The following STAB1 variants were observed in gnomAD, a reference collection of about 807,000 sequenced individuals.
STAB1 encodes stabilin-1.
Under a neutral mutation model 332.4 loss-of-function variants are expected in STAB1, and 250 were observed. That is an observed-to-expected ratio of 0.75 (90% CI 0.68 to 0.84). The LOEUF (loss-of-function observed/expected upper bound fraction) is 0.84. STAB1 is among the 40% of genes least tolerant of loss of function. STAB1 has a pLI of 0.00. For synonymous variants in STAB1, 1,475 were observed against 1,390.4 expected (o/e 1.06, Z -1.35); for missense variants, 3,249 against 3,489.7 (o/e 0.93, Z 1.74).
At chr3:52,496,492 G>C (rs929153628) in intron 1 of STAB1, among the ~76,000 whole-genome samples, 1 of 152,210 alleles carries the variant, frequency 6.6e-6, no homozygotes, top group Non-Finnish European at 1.5e-5. Flanking sequence ...GCTTTCTCTT[G>C]GATGCCTGTG....
In STAB1 at chr3:52,521,011, C is replaced by T. The variant is rs1386819022; in HGVS notation, c.5908+6C>T. 1.3e-6 allele frequency: 2 copies of T among 1,531,822 alleles called. No individual in the cohort carries two copies. Among genetic ancestry groups the T allele is most frequent in the Admixed American group, 2.1e-5 (1 of 48,398 alleles). 94.9% of individuals were successfully genotyped at this position (1,531,822 alleles called of 1,614,324 possible). On this transcript the variant is annotated splice_donor_region_variant and intron_variant, in intron 55 of 68. Transcript: ENST00000321725. Reference sequence around the variant, plus strand: ...CTATGGCAGTGAGTGCCAAGGTGAGCATTGCAGACACTGTTGACTAGCTCC... The same window carrying T: ...CTATGGCAGTGAGTGCCAAGGTGAGTATTGCAGACACTGTTGACTAGCTCC...
chr3:52,497,187 A>G (rs1226098130), intron 1 of STAB1, among the ~76,000 whole-genome samples: 1 of 151,488 alleles, frequency 6.6e-6, no homozygotes, highest in Non-Finnish European at 1.5e-5. Context: ...TTTTAGTTTC[A>G]CCATGTTGAC....
At position 52,514,306 on chromosome 3, in the gene STAB1, G is replaced by A. The variant is rs934917497; in HGVS notation, c.3547-59G>A. ...CACGAAGGGACACAGTGGGTGTGGC[G>A]TGCTGTCCAGGGCACTTGGTTATCC... On this transcript the variant is annotated intron_variant, in intron 33 of 68. Transcript: ENST00000321725. 22 of 1,582,766 alleles carry A rather than the reference G, an allele frequency of 1.4e-5. 1 individual carries two copies. The East Asian group carries it at 1.6e-4, about 11-fold the overall frequency.
intron 37 of STAB1, among the ~76,000 whole-genome samples, chr3:52,515,732 G>C (rs1671611013): frequency 6.6e-6 from 1 of 152,140 alleles, no homozygotes; most frequent in South Asian, 2.1e-4. Flanking sequence ...ACGGTGAGAG[G>C]AAGAAAGGGC....
chr3:52,498,728 T>C (rs1312825912), intron 1 of STAB1, among the ~76,000 whole-genome samples: 1 of 152,214 alleles, frequency 6.6e-6, no homozygotes, highest in African/African-American at 2.4e-5. Context: ...CGCTGGCAGC[T>C]TTGCCCAGCT....
In STAB1 at chr3:52,520,287, G is replaced by A; in HGVS notation, c.5496G>A (p.Arg1832=). 6.2e-7 allele frequency: 1 copy of A among 1,613,132 alleles called. No individual in the cohort carries two copies. Among genetic ancestry groups the A allele is most frequent in the South Asian group, 1.1e-5 (1 of 91,088 alleles). Residue 1832 remains arginine, a synonymous_variant, in exon 52 of 69, where the codon CGG becomes CGA. Transcript: ENST00000321725. ...TPISFSCSRT[R]AGELMVGEDD... Reference sequence around the variant, plus strand: ...TCTCTTTCTCCTGCAGCCGAACGCGGGCCGTGAGTCTGGGGAGAGGGCTTG... The same window carrying A: ...TCTCTTTCTCCTGCAGCCGAACGCGAGCCGTGAGTCTGGGGAGAGGGCTTG...
chr3:52,522,336 C>T lies in STAB1; in HGVS notation c.6472C>T (p.Arg2158Trp), dbSNP rs752035435. 3.5e-5 allele frequency: 57 copies of T among 1,612,798 alleles called. No individual in the cohort carries two copies. The highest frequency in any genetic ancestry group is 1.4e-4 in the South Asian group (13 of 91,088). ...ANCLSTGLNT[R>W]RCECHAGYVG... ...CTGCTCTCTCCAACCCCAGAACACA[C>T]GGCGCTGTGAGTGCCACGCAGGCTA... is the stretch of plus-strand genomic sequence containing the variant. The change falls in exon 60 of 69, where the codon CGG becomes TGG. Residue 2158 changes from arginine to tryptophan, a missense_variant. Physicochemically the swap from Arg to Trp is moderately radical, Grantham distance 101. Transcript: ENST00000321725.
chr3:52,506,136 G>A (rs1708842961), intron 16 of STAB1, 34 bp from the exon 17 acceptor site: 3 of 1,597,074 alleles, frequency 1.9e-6, no homozygotes, highest in Non-Finnish European at 2.6e-6. Context: ...TATGGCCAGA[G>A]CCCAGCCTAA....
At chr3:52,503,154 G>T in intron 7 of STAB1, 45 bp downstream of exon 7, 1 of 1,533,118 alleles carries the variant, frequency 6.5e-7, no homozygotes, top group East Asian at 2.4e-5. Flanking sequence ...CAGGGCGGGC[G>T]GGGGCTGGGA....
chr3:52,503,752 C>G lies in STAB1; in HGVS notation c.892-20C>G. ...TTGGGGTTGGACGTGGTGTTCCCCT[C>G]CTGCCCTGTCGGGGGCCAGGCCTTC... On this transcript the variant is annotated intron_variant, in intron 8 of 68. Transcript: ENST00000321725. 6.2e-7 allele frequency: 1 copy of G among 1,612,760 alleles called. No homozygotes were observed. The highest frequency in any genetic ancestry group is 1.3e-5 in the African/African-American group (1 of 75,054).
intron 38 of STAB1, 57 bp downstream of exon 38, chr3:52,516,295 A>T: frequency 6.2e-7 from 1 of 1,605,878 alleles, no homozygotes; most frequent in African/African-American, 1.3e-5. Context: ...CAGCCTGGAG[A>T]CCCCAGCCGG....
rs1348465716 is a variant in STAB1, at chr3:52,522,645, G to A, written c.6701G>A (p.Gly2234Glu). 3 of 1,612,842 alleles carry A rather than the reference G, an allele frequency of 1.9e-6. No homozygotes were observed. The Admixed American group carries it at 5.0e-5, about 27-fold the overall frequency. ...GCTGAGGCGGCATGCGAAGCACAGG[G>A]AGCCGTCCTTGCTTCATTCCCTCAG... Reference protein sequence around the residue: ...SEAEAACEAQGAVLASFPQLS... With the variant: ...SEAEAACEAQEAVLASFPQLS... The change falls in exon 61 of 69, where the codon GGA becomes GAA. Residue 2234 changes from glycine (G) to glutamate (E), a missense_variant. Transcript: ENST00000321725.
rs148915659 is a variant in STAB1 at position 52,522,111 on chromosome 3, A to G, written c.6346A>G (p.Thr2116Ala). The G allele has an allele frequency of 1.8e-3, 2,898 of 1,613,086 alleles. 8 individuals are homozygous for G. The highest frequency in any genetic ancestry group is 2.2e-3 in the Non-Finnish European group (2,646 of 1,180,022). Residue 2116 changes from threonine (T) to alanine (A), a missense_variant, in exon 59 of 69, where the codon ACT becomes GCT. Coordinates refer to ENST00000321725, the MANE Select transcript of STAB1 (RefSeq NM_015136.3). ...CTGTAGCCAGGTAGGAACAATGGTC[A>G]CTTGTACCTGCCTGCCCGACTACGA... Reference protein sequence around the residue: ...ANCSQVGTMVTCTCLPDYEGD... With the variant: ...ANCSQVGTMVACTCLPDYEGD...
At position 52,517,437 on chromosome 3, in the gene STAB1, C is replaced by T. The variant is rs1373050323; in HGVS notation, c.4563+44C>T. The T allele has an allele frequency of 1.0e-5, 16 of 1,575,884 alleles. No individual in the cohort carries two copies. The South Asian group carries it at 1.5e-4, about 15-fold the overall frequency. On this transcript the variant is annotated intron_variant, in intron 43 of 68. Coordinates refer to ENST00000321725, the MANE Select transcript of STAB1 (RefSeq NM_015136.3). Reference sequence around the variant, plus strand: ...GACATGGGGCATCATGCCATGCCCTCACAGGATGGGGCCTCCCTTCAGGGC... The same window carrying T: ...GACATGGGGCATCATGCCATGCCCTTACAGGATGGGGCCTCCCTTCAGGGC...
intron 30 of STAB1, 141 bp downstream of exon 30, chr3:52,513,382 A>T: frequency 1.2e-6 from 1 of 845,010 alleles, no homozygotes; most frequent in Non-Finnish European, 1.8e-6. Context: ...GGCTCAAAGG[A>T]TGTGCTCAGG....
chr3:52,501,564 G>A (rs1190349300), intron 2 of STAB1, 74 bp from the exon 3 acceptor site: 1 of 1,392,502 alleles, frequency 7.2e-7, no homozygotes, highest in Non-Finnish European at 9.9e-7. Context: ...AGCCCCGGAA[G>A]CCAATGTGGG....
chr3:52,497,284 C>T (rs1006287265), intron 1 of STAB1, among the ~76,000 whole-genome samples: 2 of 152,008 alleles, frequency 1.3e-5, no homozygotes, highest in Admixed American at 1.3e-4. Flanking sequence ...GCCACCGTGC[C>T]CAACCCCATG....
At chr3:52,506,882 T>C in intron 18 of STAB1, 32 bp downstream of exon 18, 1 of 1,606,114 alleles carries the variant, frequency 6.2e-7, no homozygotes, top group Non-Finnish European at 8.5e-7. Context: ...AGGGCCCTAC[T>C]CACTAACCCC....
chr3:52,503,764 G>T lies in STAB1; in HGVS notation c.892-8G>T. ...GTGGTGTTCCCCTCCTGCCCTGTCG[G>T]GGGCCAGGCCTTCTGCACCTGCCGG... On this transcript the variant is annotated splice_polypyrimidine_tract_variant and splice_region_variant and intron_variant, in intron 8 of 68. Transcript: ENST00000321725. The T allele has an allele frequency of 6.2e-7, 1 of 1,612,954 alleles. No individual in the cohort carries two copies. Among genetic ancestry groups the T allele is most frequent in the Non-Finnish European group, 8.5e-7 (1 of 1,179,996 alleles).
Sources: allele counts gnomAD v4.1 joint callset (sites outside exome capture counted in the v4.1 genomes callset), GRCh38; gene constraint gnomAD v4.1.1; transcripts MANE v1.5; gene names NCBI Gene and HGNC (gene_info 2026-07-23, HGNC 2026-07-21).